Variants in NFS1 observed in about 807,000 individuals in gnomAD.
NFS1 encodes the protein cysteine desulfurase.
NFS1 carries 26 observed loss-of-function variants against 57.3 expected under a neutral mutation model. The observed-to-expected ratio is 0.45, with a 90% CI of 0.33 to 0.63. NFS1 has a LOEUF of 0.63. Ranked by LOEUF, NFS1 falls within the 20% of genes least tolerant of loss-of-function variation. The pLI is 0.02. For missense variants in NFS1, 505 were observed against 605.8 expected (o/e 0.83, Z 1.75); for synonymous variants, 209 against 216.3 (o/e 0.97, Z 0.30).
chr20:35,692,527 TAAAAAAAAA>T lies in NFS1; in HGVS notation c.409-1971_409-1963del, dbSNP rs61052129. Reference sequence around the variant, plus strand: ...CCAGCCTGAGCAACATCATCTATACTAAAAAAAAAAAAAAAAAAAAAAAAAAAAAAATTA... The same window carrying T: ...CCAGCCTGAGCAACATCATCTATACTAAAAAAAAAAAAAAAAAAAAAATTA... On this transcript the variant is annotated intron_variant, in intron 4 of 12. Coordinates refer to ENST00000374092, the MANE Select transcript of NFS1 (RefSeq NM_021100.5). Among the ~76,000 whole-genome samples the T allele has an allele frequency of 1.6e-4, 7 of 42,746 alleles. No individual in the cohort carries two copies. The East Asian group carries it at 5.0e-3, about 30-fold the overall frequency. The allele number at this position is 42,746 out of a possible 152,430, so 28.0% of individuals were successfully genotyped here. A position where few individuals can be genotyped will look rare whatever the true frequency, so the allele number is the denominator to read the frequency against.
At position 35,669,583 on chromosome 20, in the gene NFS1, G is replaced by A. The variant is rs758648417; in HGVS notation, c.*39C>T. 9.4e-6 allele frequency: 15 copies of A among 1,598,998 alleles called. No homozygotes were observed. Among genetic ancestry groups the A allele is most frequent in the Non-Finnish European group, 1.1e-5 (13 of 1,166,326 alleles). On this transcript the variant is annotated 3_prime_UTR_variant, in exon 13 of 13. Coordinates refer to ENST00000374092, the MANE Select transcript of NFS1 (RefSeq NM_021100.5). The stretch of plus-strand genomic sequence containing the variant: ...TGGTTGTGCACGGGTTGGTGAGGCA[G>A]GAGGGGCCAGACCAGCACAAAGTCA...
chr20:35,696,240 G>C, intron 4 of NFS1, 137 bp downstream of exon 4: 1 of 686,412 alleles, frequency 1.5e-6, no homozygotes, highest in Non-Finnish European at 2.7e-6. Context: ...CAACAAATCA[G>C]AAAGACTGCA....
rs751840999 is a variant in NFS1, at chr20:35,680,827, C to A, written c.700G>T (p.Ala234Ser). Reference protein sequence around the residue: ...SRKVYFHTDAAQAVGKIPLDV... With the variant: ...SRKVYFHTDASQAVGKIPLDV... ...AGTGGGATTTTTCCAACAGCCTGGG[C>A]TGCATCAGTATGGAAATATACCTTT... Residue 234 changes from alanine to serine, a missense_variant, in exon 7 of 13, where the codon GCC becomes TCC. Coordinates refer to ENST00000374092, the MANE Select transcript of NFS1 (RefSeq NM_021100.5). 1.3e-5 allele frequency: 21 copies of A among 1,581,322 alleles called. No individual in the cohort carries two copies. Among genetic ancestry groups the A allele is most frequent in the Non-Finnish European group, 1.8e-5 (21 of 1,165,376 alleles).
At chr20:35,671,292 G>A (rs1300757232) in intron 12 of NFS1, among the ~76,000 whole-genome samples, 5 of 152,254 alleles carry the variant, frequency 3.3e-5, no homozygotes, top group Admixed American at 6.5e-5. Flanking sequence ...TAGTAGAGAC[G>A]GGGTTTCATT....
rs746820595 is a variant in NFS1, at chr20:35,676,758, GAAAAAA to G, written c.791-1562_791-1557del. On this transcript the variant is annotated intron_variant, in intron 7 of 12. Transcript: ENST00000374092. ...GCCTCCCAATAACCAGAGAAAATCA[GAAAAAA>G]AAAAAAAAAAAAAAAAAAAAACCAA... Among the ~76,000 whole-genome samples, 199 of 18,126 alleles carry G rather than the reference GAAAAAA, an allele frequency of 0.011. 1 individual carries two copies. In the South Asian group the frequency reaches 0.22, roughly 20 times the overall value. 11.9% of individuals were successfully genotyped at this position (18,126 alleles called of 152,430 possible). A position where few individuals can be genotyped will look rare whatever the true frequency, so the allele number is the denominator to read the frequency against.
At chr20:35,692,557 A>T (rs1199098779) in intron 4 of NFS1, among the ~76,000 whole-genome samples, 1 of 144,996 alleles carries the variant, frequency 6.9e-6, no homozygotes, top group Non-Finnish European at 1.5e-5. Flanking sequence ...AAAAAAAAAA[A>T]ATTAGCCTGG....
In NFS1 at chr20:35,680,744, AC is replaced by A; in HGVS notation, c.782del (p.Gly261ValfsTer40). 1 of 1,551,384 alleles carries A rather than the reference AC, an allele frequency of 6.4e-7. No individual in the cohort carries two copies. The highest frequency in any genetic ancestry group is 8.7e-7 in the Non-Finnish European group (1 of 1,150,554). ...TCTAGAAGGGGCTGGTACCTTTGGG[AC>A]CGTAGATTTTGTGACCACTAATGCT... The part of the protein sequence containing the change: ...LMSISGHKIY[G>X]PKGVGAIYIR... On this transcript the variant is annotated frameshift_variant, in exon 7 of 13. Coordinates refer to ENST00000374092, the MANE Select transcript of NFS1 (RefSeq NM_021100.5). LOFTEE classifies it high-confidence loss of function.
chr20:35,670,751 A>T (rs910351366), intron 12 of NFS1, among the ~76,000 whole-genome samples: 2 of 152,248 alleles, frequency 1.3e-5, no homozygotes, highest in African/African-American at 4.8e-5. Flanking sequence ...CCACGTGGTC[A>T]GTAGAAATGC....
At chr20:35,684,681 C>CA (rs1394400556) in intron 5 of NFS1, among the ~76,000 whole-genome samples, 1 of 151,272 alleles carries the variant, frequency 6.6e-6, no homozygotes, top group Non-Finnish European at 1.5e-5. Flanking sequence ...ACCCAGGTGG[C>CA]AGAGGTTGCA....
At chr20:35,681,736 C>T in intron 6 of NFS1, 152 bp downstream of exon 6, 1 of 456,294 alleles carries the variant, frequency 2.2e-6, no homozygotes, top group Admixed American at 3.1e-5. Context: ...GATTCAAATA[C>T]TGCCTATGAC....
In NFS1 at chr20:35,699,298, G is replaced by A. The variant is rs1466882714; in HGVS notation, c.-10C>T. On this transcript the variant is annotated 5_prime_UTR_variant, in exon 1 of 13. Transcript: ENST00000374092. The surrounding 1 kb of genome is among the most constrained non-coding windows in gnomAD (Gnocchi z 4.4). ...CGGCTCGGAGCAGCATGGTCCCGCT[G>A]GCAGAGCCCACCTTCCGAAGCCGCT... 1.4e-6 allele frequency: 2 copies of A among 1,400,016 alleles called. No homozygotes were observed. Among genetic ancestry groups the A allele is most frequent in the Non-Finnish European group, 1.8e-6 (2 of 1,084,942 alleles). The allele number at this position is 1,400,016 out of a possible 1,614,324, so 86.7% of individuals were successfully genotyped here.
chr20:35,695,288 C>G (rs1048816528), intron 4 of NFS1, among the ~76,000 whole-genome samples: 1 of 152,152 alleles, frequency 6.6e-6, no homozygotes, highest in African/African-American at 2.4e-5. Flanking sequence ...TGCTGATGAC[C>G]CTGAAGCCCG....
At position 35,697,812 on chromosome 20, in the gene NFS1, A is replaced by C. The variant is rs563664406; in HGVS notation, c.208-12T>G. 4.0e-5 allele frequency: 63 copies of C among 1,567,532 alleles called. No individual in the cohort carries two copies. The South Asian group carries it at 6.1e-4, about 15-fold the overall frequency. On this transcript the variant is annotated splice_polypyrimidine_tract_variant and intron_variant, in intron 2 of 12. Coordinates refer to ENST00000374092, the MANE Select transcript of NFS1 (RefSeq NM_021100.5). ...AGCACCCGGGGGTCCTGAACACAAC[A>C]GAACAGATCATTTTCCTTGAGCGCA...
rs2034723930 is a variant in NFS1 at position 35,675,412 on chromosome 20, G to C, written c.791-210C>G. 1.1e-5 allele frequency: 7 copies of C among 617,520 alleles called. No homozygotes were observed. The South Asian group carries it at 1.5e-4, about 13-fold the overall frequency. The allele number at this position is 617,520 out of a possible 1,614,324, so 38.3% of individuals were successfully genotyped here. On this transcript the variant is annotated intron_variant, in intron 7 of 12. Transcript: ENST00000374092. The stretch of plus-strand genomic sequence containing the variant: ...ATCTGGAAGATAAATGCCAGAAGGA[G>C]TAATGATCAAAATGGTTTAAAGTAG...
chr20:35,681,200 T>A (rs2034842365), intron 6 of NFS1, among the ~76,000 whole-genome samples: 1 of 150,894 alleles, frequency 6.6e-6, no homozygotes, highest in Non-Finnish European at 1.5e-5. Flanking sequence ...ACTTTCTAGA[T>A]CCCTTTTGAT....
intron 5 of NFS1, among the ~76,000 whole-genome samples, chr20:35,684,281 A>G (rs1184597666): frequency 1.3e-5 from 2 of 151,448 alleles, no homozygotes; most frequent in Admixed American, 1.3e-4. Flanking sequence ...GCGGGCGCCT[A>G]TAGTTCCAGC....
At chr20:35,678,386 G>C (rs1379584940) in intron 7 of NFS1, among the ~76,000 whole-genome samples, 2 of 151,938 alleles carry the variant, frequency 1.3e-5, no homozygotes, top group Non-Finnish European at 2.9e-5. Flanking sequence ...AAATTAGCCA[G>C]GCGTGGTGGC....
intron 2 of NFS1, among the ~76,000 whole-genome samples, chr20:35,698,138 C>A (rs550766614): frequency 6.6e-6 from 1 of 152,332 alleles, no homozygotes; most frequent in East Asian, 1.9e-4. Context: ...TAGGCAAACA[C>A]CCCTGGTCAC....
chr20:35,679,053 T>C (rs918561234), intron 7 of NFS1, among the ~76,000 whole-genome samples: 3 of 152,194 alleles, frequency 2.0e-5, no homozygotes, highest in African/African-American at 7.2e-5. Context: ...ATTCTGGACT[T>C]GGAAAGCAGG....
Sources: gnomAD v4.1 joint callset for allele counts (sites outside exome capture counted in the v4.1 genomes callset) on GRCh38, gnomAD v4.1.1 for gene constraint, Gnocchi (gnomAD v3.1) non-coding constraint, MANE v1.5 for transcripts, NCBI Gene and HGNC (gene_info 2026-07-23, HGNC 2026-07-21) for gene names.